Variants in SNX25 observed in about 807,000 individuals in gnomAD.
SNX25 encodes sorting nexin 25.
A neutral mutation model predicts 113.7 loss-of-function variants in SNX25; 62 were observed. That is an observed-to-expected ratio of 0.55 (90% confidence interval 0.44 to 0.67). SNX25 has a LOEUF of 0.67. Among genes scored for constraint, SNX25 ranks in the 30% least tolerant of loss-of-function variants. The probability of loss-of-function intolerance (pLI) is 0.00; values close to 1 mark genes in which losing one functional copy is unlikely to be tolerated. For synonymous variants in SNX25, 421 were observed against 436.2 expected (o/e 0.97, Z 0.43); for missense variants, 1,014 against 1,161.0 (o/e 0.87, Z 1.84).
rs764260759 is a variant in SNX25 at position 185,320,740 on chromosome 4, A to T, written c.1352A>T (p.Gln451Leu). Residue 451 changes from glutamine to leucine, a missense_variant, in exon 8 of 19, where the codon CAG (glutamine) becomes CTG (leucine). Physicochemically the swap from Gln to Leu is moderately radical, Grantham distance 113. Coordinates refer to ENST00000652585, the MANE Select transcript of SNX25 (RefSeq NM_001378034.2). ...GEGPQSQKIL[Q>L]FEDILANTFY... Reference sequence around the variant, plus strand: ...CTTAAATTCTCTTAATAGATTCTTCAGTTTGAAGATATCTTGGCCAATACG... The same window carrying T: ...CTTAAATTCTCTTAATAGATTCTTCTGTTTGAAGATATCTTGGCCAATACG... The T allele has an allele frequency of 1.3e-6, 2 of 1,525,490 alleles. No homozygotes were observed. The highest frequency in any genetic ancestry group is 1.3e-5 in the South Asian group (1 of 75,932). The allele number at this position is 1,525,490 out of a possible 1,614,324, so 94.5% of individuals were successfully genotyped here.
At chr4:185,341,226 C>CGCATGCACACGTGCATGCACACGT (rs112822221) in intron 11 of SNX25, among the ~76,000 whole-genome samples, 3 of 152,144 alleles carry the variant, frequency 2.0e-5, no homozygotes, top group African/African-American at 7.2e-5. Flanking sequence ...CACGTGTGCA[C>CGCATGCACACGTGCATGCACACGT]GCATGCACAC....
chr4:185,335,773 G>A (rs1323833076), intron 10 of SNX25, among the ~76,000 whole-genome samples: 2 of 152,202 alleles, frequency 1.3e-5, no homozygotes, highest in African/African-American at 4.8e-5. Flanking sequence ...CAAGTGATGA[G>A]TAAATGCATG....
rs191536754 is a variant in SNX25, at chr4:185,281,938, C to T, written c.1092-6074C>T. On this transcript the variant is annotated intron_variant, in intron 5 of 18. Coordinates refer to ENST00000652585, the MANE Select transcript of SNX25 (RefSeq NM_001378034.2). Reference sequence around the variant, plus strand: ...GGCTGAGACATGAGAATCGCTTGAACCTGGGAGGTGGAAGTTGCAGTGAGT... The same window carrying T: ...GGCTGAGACATGAGAATCGCTTGAATCTGGGAGGTGGAAGTTGCAGTGAGT... Among the ~76,000 whole-genome samples the T allele has an allele frequency of 2.3e-3, 347 of 152,176 alleles. 4 individuals are homozygous for T. The highest frequency in any genetic ancestry group is 7.9e-3 in the African/African-American group (329 of 41,524).
In SNX25 at chr4:185,209,855, G is replaced by C. The variant is rs1737458794; in HGVS notation, c.29G>C (p.Gly10Ala). Reference sequence around the variant, plus strand: ...CACCCCGATGCGACCGACAGTGGCGGCGCCGGCCCCAGCCCCGCGCGGGCC... The same window carrying C: ...CACCCCGATGCGACCGACAGTGGCGCCGCCGGCCCCAGCCCCGCGCGGGCC... MHPDATDSG[G>A]AGPSPARAAG... is the part of the protein sequence containing the mutation. Residue 10 changes from glycine (G) to alanine (A), a missense_variant, in exon 1 of 19, where the codon GGC (glycine) becomes GCC (alanine). Gly to Ala is a moderately conservative substitution (Grantham distance 60). Transcript: ENST00000652585. The surrounding 1 kb of genome is among the most constrained non-coding windows in gnomAD (Gnocchi z 5.2). The C allele has an allele frequency of 1.0e-6, 1 of 983,350 alleles. No homozygotes were observed. 60.9% of individuals were successfully genotyped at this position (983,350 alleles called of 1,614,324 possible).
intron 1 of SNX25, among the ~76,000 whole-genome samples, chr4:185,223,134 T>A (rs1194450484): frequency 2.0e-5 from 3 of 152,186 alleles, no homozygotes; most frequent in African/African-American, 7.2e-5. Context: ...CCTTTGTATC[T>A]CCACCCCAAT....
intron 11 of SNX25, among the ~76,000 whole-genome samples, chr4:185,341,073 G>A (rs1306007765): frequency 6.6e-6 from 1 of 152,038 alleles, no homozygotes; most frequent in African/African-American, 2.4e-5. Flanking sequence ...CTCTTTCCCT[G>A]GCCTTTCTTA....
chr4:185,336,780 G>A (rs1261851077), intron 10 of SNX25, among the ~76,000 whole-genome samples: 1 of 152,016 alleles, frequency 6.6e-6, no homozygotes, highest in Non-Finnish European at 1.5e-5. Flanking sequence ...TCCCACCAAC[G>A]GTGTAAAAAT....
intron 2 of SNX25, among the ~76,000 whole-genome samples, chr4:185,255,815 C>G (rs141490094): frequency 1.3e-5 from 2 of 152,108 alleles, no homozygotes; most frequent in Non-Finnish European, 2.9e-5. Context: ...CCTGAAGGGA[C>G]GAAACTCACT....
chr4:185,258,887 A>G lies in SNX25; in HGVS notation c.554A>G (p.Tyr185Cys), dbSNP rs762865688. Reference sequence around the variant, plus strand: ...TATAGAGATTACATTCTGTCCTGGTATGGAAACCTCAGCAGAGATGAGGGA... The same window carrying G: ...TATAGAGATTACATTCTGTCCTGGTGTGGAAACCTCAGCAGAGATGAGGGA... ...YSYRDYILSW[Y>C]GNLSRDEGQL... The change falls in exon 3 of 19, where the codon TAT becomes TGT. Residue 185 changes from tyrosine to cysteine, a missense_variant. Coordinates refer to ENST00000652585, the MANE Select transcript of SNX25 (RefSeq NM_001378034.2). 1.2e-6 allele frequency: 2 copies of G among 1,614,040 alleles called. No homozygotes were observed. Among genetic ancestry groups the G allele is most frequent in the Non-Finnish European group, 8.5e-7 (1 of 1,179,942 alleles).
chr4:185,222,372 C>A (rs1740086853), intron 1 of SNX25, among the ~76,000 whole-genome samples: 1 of 151,946 alleles, frequency 6.6e-6, no homozygotes, highest in African/African-American at 2.4e-5. Context: ...GTGCCATATA[C>A]CCCTCCCTCA....
At chr4:185,315,167 G>A (rs2095062315) in intron 7 of SNX25, among the ~76,000 whole-genome samples, 1 of 151,082 alleles carries the variant, frequency 6.6e-6, no homozygotes, top group Non-Finnish European at 1.5e-5. Context: ...GGCGGAGCTT[G>A]CAGTGAGCCG....
chr4:185,363,325 T>A lies in SNX25; in HGVS notation c.2935-60T>A. ...CTTTTCTCTTAGATGCAGATATTTA[T>A]TTTGAATAAACCCTTGGAGAAAAAC... On this transcript the variant is annotated intron_variant, in intron 18 of 18. Transcript: ENST00000652585. The surrounding 1 kb of genome is among the most constrained non-coding windows in gnomAD (Gnocchi z 4.2). The A allele has an allele frequency of 2.6e-6, 4 of 1,542,334 alleles. No individual in the cohort carries two copies. Among genetic ancestry groups the A allele is most frequent in the Non-Finnish European group, 3.6e-6 (4 of 1,122,300 alleles).
At chr4:185,281,318 T>C (rs1750530269) in intron 5 of SNX25, among the ~76,000 whole-genome samples, 1 of 152,188 alleles carries the variant, frequency 6.6e-6, no homozygotes, top group Non-Finnish European at 1.5e-5. Flanking sequence ...AATGAACATT[T>C]ATTGAACTCT....
At chr4:185,365,742 A>C (rs186724379), downstream of SNX25, 76 of 151,746 alleles carry the variant, frequency 5.0e-4, 3 homozygotes, top group East Asian at 0.014. Context: ...TTAAGTGTGG[A>C]GAAGAGAATA....
chr4:185,241,109 T>C (rs1743885120), intron 1 of SNX25, among the ~76,000 whole-genome samples: 1 of 151,550 alleles, frequency 6.6e-6, no homozygotes, highest in South Asian at 2.1e-4. Flanking sequence ...CTCGGCACTT[T>C]GCGGGGCCAA....
chr4:185,251,160 A>C (rs879642496), intron 2 of SNX25, among the ~76,000 whole-genome samples: 1 of 151,884 alleles, frequency 6.6e-6, no homozygotes, highest in African/African-American at 2.4e-5. Context: ...ATGCCCAGCT[A>C]ATTTTTGTAT....
chr4:185,210,282 G>T lies in SNX25; in HGVS notation c.429+27G>T, dbSNP rs984075321. On this transcript the variant is annotated intron_variant, in intron 1 of 18. Coordinates refer to ENST00000652585, the MANE Select transcript of SNX25 (RefSeq NM_001378034.2). This position sits in a 1 kb window ranked among gnomAD's most constrained non-coding sequence, Gnocchi z 4.4. ...TAAGTACCCGACTCCTGGCCGCCCA[G>T]CTCCGCCGGCCCTCCCCGCTTCCGG... 7.1e-6 allele frequency: 7 copies of T among 984,596 alleles called. No homozygotes were observed. The African/African-American group carries it at 1.2e-4, about 17-fold the overall frequency. 61.0% of individuals were successfully genotyped at this position (984,596 alleles called of 1,614,324 possible).
intron 9 of SNX25, among the ~76,000 whole-genome samples, chr4:185,328,521 A>G (rs768860512): frequency 1.3e-5 from 2 of 152,320 alleles, no homozygotes; most frequent in South Asian, 2.1e-4. Flanking sequence ...GAAGAGGAAA[A>G]CATAAAGGCC....
intron 13 of SNX25, among the ~76,000 whole-genome samples, chr4:185,349,790 T>C (rs965969130): frequency 2.0e-5 from 3 of 152,230 alleles, no homozygotes; most frequent in Non-Finnish European, 4.4e-5. Context: ...TGAATATAAT[T>C]TAAGGCCAAA....
Sources: gnomAD v4.1 joint callset for allele counts (sites outside exome capture counted in the v4.1 genomes callset) on GRCh38, gnomAD v4.1.1 for gene constraint, Gnocchi (gnomAD v3.1) non-coding constraint, MANE v1.5 for transcripts, NCBI Gene and HGNC (gene_info 2026-07-23, HGNC 2026-07-21) for gene names.